The following HSPA13 variants were observed in gnomAD, a reference collection of about 807,000 sequenced individuals.
HSPA13 encodes the protein heat shock 70 kDa protein 13.
In HSPA13, 29 loss-of-function variants were observed where a neutral mutation model predicts 38.8. That is an observed-to-expected ratio of 0.75 (90% CI 0.56 to 1.02). The LOEUF is 1.02. HSPA13 is among the 50% of genes least tolerant of loss of function. The pLI, the probability that HSPA13 is intolerant of heterozygous loss-of-function variation, is 0.00. For missense variants in HSPA13, 451 were observed against 560.9 expected (o/e 0.80, Z 1.98); for synonymous variants, 192 against 205.3 (o/e 0.94, Z 0.56).
chr21:14,375,237 T>A (rs929063792), intron 4 of HSPA13, among the ~76,000 whole-genome samples: 1 of 152,176 alleles, frequency 6.6e-6, no homozygotes, highest in African/African-American at 2.4e-5. Context: ...ACCATCACCA[T>A]GAAAAGTCCT....
rs199539653 is a variant in HSPA13, at chr21:14,380,119, G to GA, written c.366+1083dup. ...GGAAAAAAGCTTTAAATGTTTAAAA[G>GA]AAAAAAAAAGCAGCGAAATCCAAAC... is the stretch of plus-strand genomic sequence containing the variant. On this transcript the variant is annotated intron_variant, in intron 2 of 4. Coordinates refer to ENST00000285667, the MANE Select transcript of HSPA13 (RefSeq NM_006948.5). Among the ~76,000 whole-genome samples the GA allele has an allele frequency of 2.1e-3, 309 of 147,386 alleles. 1 individual carries two copies. Among genetic ancestry groups the GA allele is most frequent in the African/African-American group, 5.4e-3 (218 of 40,116 alleles).
At chr21:14,377,064 A>T (rs1038066637) in intron 3 of HSPA13, among the ~76,000 whole-genome samples, 3 of 152,248 alleles carry the variant, frequency 2.0e-5, no homozygotes, top group African/African-American at 7.2e-5. Context: ...GGGCGCTGCT[A>T]GCATCTGGTG....
At chr21:14,375,857 G>GATCGCATCCTCTC in intron 3 of HSPA13, 38 bp from the exon 4 acceptor site, 1 of 1,556,692 alleles carries the variant, frequency 6.4e-7, no homozygotes, top group Non-Finnish European at 8.8e-7. Context: ...TTCATGAGAG[G>GATCGCATCCTCTC]ATGCGATCAA....
intron 1 of HSPA13, among the ~76,000 whole-genome samples, chr21:14,382,672 A>C (rs1390371087): frequency 6.6e-6 from 1 of 152,096 alleles, no homozygotes; most frequent in Non-Finnish European, 1.5e-5. Flanking sequence ...GATGTGATGG[A>C]AAAAGCCTCC....
chr21:14,380,161 G>A (rs190215734), intron 2 of HSPA13, among the ~76,000 whole-genome samples: 3 of 147,538 alleles, frequency 2.0e-5, no homozygotes, highest in African/African-American at 7.8e-5. Context: ...ATACATAAAC[G>A]TATTAAGAGG....
chr21:14,382,751 G>A (rs1984204528), intron 1 of HSPA13, among the ~76,000 whole-genome samples: 1 of 152,180 alleles, frequency 6.6e-6, no homozygotes, highest in East Asian at 1.9e-4. Context: ...AGGGGTCCTG[G>A]AGGTGCACGT....
chr21:14,379,642 A>G (rs190202052), intron 2 of HSPA13, among the ~76,000 whole-genome samples: 4 of 152,312 alleles, frequency 2.6e-5, no homozygotes, highest in Non-Finnish European at 5.9e-5. Context: ...TTTTTTCATT[A>G]AAGATTGTAA....
chr21:14,374,713 AT>A (rs112445827), intron 4 of HSPA13, among the ~76,000 whole-genome samples: 7,333 of 152,276 alleles, frequency 0.048, 244 homozygotes, highest in Middle Eastern at 0.092. Flanking sequence ...ATATCAAATA[AT>A]TTTTCAGTAA....
At chr21:14,381,664 A>G in intron 1 of HSPA13, 121 bp from the exon 2 acceptor site, 3 of 821,086 alleles carry the variant, frequency 3.7e-6, no homozygotes, top group East Asian at 2.7e-5. Flanking sequence ...AAATTTCAAA[A>G]TTTTTTATAG....
At chr21:14,375,056 G>A (rs1983985911) in intron 4 of HSPA13, among the ~76,000 whole-genome samples, 1 of 152,086 alleles carries the variant, frequency 6.6e-6, no homozygotes, top group East Asian at 1.9e-4. Flanking sequence ...AGCTAAATTC[G>A]ACAAAATAAA....
intron 3 of HSPA13, among the ~76,000 whole-genome samples, chr21:14,377,512 C>T (rs1347345119): frequency 1.3e-5 from 2 of 152,144 alleles, no homozygotes; most frequent in Non-Finnish European, 2.9e-5. Flanking sequence ...GTATAAAAAT[C>T]TATCTACTTT....
chr21:14,382,388 C>T lies in HSPA13; in HGVS notation c.25+707G>A, dbSNP rs7281855. On this transcript the variant is annotated intron_variant, in intron 1 of 4. Coordinates refer to ENST00000285667, the MANE Select transcript of HSPA13 (RefSeq NM_006948.5). ...GTAAACATAAGCGAAGAAAGATGCCCCTTTAGTTTTTAATGAATCTCGTAT... is the reference window on the plus strand; with the variant it reads ...GTAAACATAAGCGAAGAAAGATGCCTCTTTAGTTTTTAATGAATCTCGTAT... 7.4e-3 allele frequency among the ~76,000 whole-genome samples: 1,118 copies of T among 152,004 alleles called. 16 individuals carry two copies. Among genetic ancestry groups the T allele is most frequent in the African/African-American group, 0.026 (1,071 of 41,432 alleles).
At chr21:14,376,936 T>C (rs575533486) in intron 3 of HSPA13, among the ~76,000 whole-genome samples, 1 of 152,230 alleles carries the variant, frequency 6.6e-6, no homozygotes, top group Admixed American at 6.5e-5. Flanking sequence ...CTTTTCTTCA[T>C]AGTGGTTACT....
In HSPA13 at chr21:14,373,701, T is replaced by C. The variant is rs1227584150; in HGVS notation, c.1332A>G (p.Ala444=). The C allele has an allele frequency of 6.2e-7, 1 of 1,614,198 alleles. No homozygotes were observed. The highest frequency in any genetic ancestry group is 1.7e-5 in the Admixed American group (1 of 60,024). ...LAVVTGVAIQ[A]GIDGGSWPLQ... ...GAGGCCAAGAGCCTCCATCAATCCC[T>C]GCTTGGATAGCCACTCCCGTTACTA... The change falls in exon 5 of 5, where the codon GCA becomes GCG. Residue 444 remains alanine (A), a synonymous_variant. Transcript: ENST00000285667.
intron 3 of HSPA13, among the ~76,000 whole-genome samples, chr21:14,376,348 G>C (rs1005210755): frequency 2.6e-5 from 4 of 152,166 alleles, no homozygotes; most frequent in African/African-American, 9.7e-5. Flanking sequence ...GGGAGGCGGA[G>C]CTTGCAGTGA....
intron 2 of HSPA13, among the ~76,000 whole-genome samples, chr21:14,380,397 A>C (rs1984138726): frequency 6.8e-6 from 1 of 146,836 alleles, no homozygotes; most frequent in African/African-American, 2.7e-5. Flanking sequence ...CATAAAAGAA[A>C]ATTAAAATAT....
chr21:14,371,797 T>C lies in HSPA13; in HGVS notation c.*1820A>G, dbSNP rs1487679006. 1.3e-5 allele frequency: 2 copies of C among 152,252 alleles called. No homozygotes were observed. Among genetic ancestry groups the C allele is most frequent in the Admixed American group, 6.5e-5 (1 of 15,272 alleles). The allele number at this position is 152,252 out of a possible 1,614,324, so 9.4% of individuals were successfully genotyped here. ...TAAGCTGATCCTATATATGGAGATTTTGAGATAAATTGGAACACTTTTAGA... is the reference window on the plus strand; with the variant it reads ...TAAGCTGATCCTATATATGGAGATTCTGAGATAAATTGGAACACTTTTAGA... On this transcript the variant is annotated 3_prime_UTR_variant, in exon 5 of 5. Coordinates refer to ENST00000285667, the MANE Select transcript of HSPA13 (RefSeq NM_006948.5).
At chr21:14,375,513 T>TTTTA (rs1045894491) in intron 4 of HSPA13, 139 bp downstream of exon 4, 1 of 387,862 alleles carries the variant, frequency 2.6e-6, no homozygotes, top group African/African-American at 2.3e-5. Flanking sequence ...TTTTTTTTTT[T>TTTTA]AGTAGAGACA....
intron 2 of HSPA13, among the ~76,000 whole-genome samples, chr21:14,380,393 A>C (rs1209108280): frequency 1.4e-5 from 2 of 146,968 alleles, no homozygotes; most frequent in Non-Finnish European, 3.0e-5. Flanking sequence ...GGACCATAAA[A>C]GAAAATTAAA....
Sources: gnomAD v4.1 joint callset for allele counts (sites outside exome capture counted in the v4.1 genomes callset) on GRCh38, gnomAD v4.1.1 for gene constraint, MANE v1.5 for transcripts, NCBI Gene and HGNC (gene_info 2026-07-23, HGNC 2026-07-21) for gene names.